ZC3HAV1: variants seen among roughly 807,000 people sequenced by gnomAD.
ZC3HAV1 encodes zinc finger CCCH-type containing, antiviral 1.
ZC3HAV1 carries 41 observed loss-of-function variants against 86.6 expected under a neutral mutation model. That is an observed-to-expected ratio of 0.47 (90% CI 0.37 to 0.61). The LOEUF (loss-of-function observed/expected upper bound fraction) is 0.61. Among genes scored for constraint, ZC3HAV1 ranks in the 20% least tolerant of loss-of-function variants. The pLI is 0.00. For synonymous variants in ZC3HAV1, 421 were observed against 432.1 expected (o/e 0.97, Z 0.32); for missense variants, 964 against 1,141.1 (o/e 0.84, Z 2.24).
chr7:139,065,663 TG>T (rs982811306), intron 7 of ZC3HAV1, among the ~76,000 whole-genome samples: 2 of 152,124 alleles, frequency 1.3e-5, no homozygotes, highest in Non-Finnish European at 2.9e-5. Context: ...CCTAGCACTT[TG>T]GGAGGCTGAG....
At chr7:139,056,194 A>G (rs1399119792) in intron 9 of ZC3HAV1, among the ~76,000 whole-genome samples, 2 of 152,172 alleles carry the variant, frequency 1.3e-5, no homozygotes, top group African/African-American at 4.8e-5. Flanking sequence ...TCTGTCACCC[A>G]GGCTGAAGTA....
chr7:139,080,695 C>A (rs957432054), intron 3 of ZC3HAV1, among the ~76,000 whole-genome samples: 1 of 152,162 alleles, frequency 6.6e-6, no homozygotes, highest in East Asian at 1.9e-4. Context: ...CCCCGGCTCT[C>A]TTCTGGGACT....
chr7:139,055,753 C>T (rs1398472534), intron 9 of ZC3HAV1, among the ~76,000 whole-genome samples: 2 of 152,054 alleles, frequency 1.3e-5, no homozygotes, highest in Admixed American at 1.3e-4. Context: ...TCCCATAGAG[C>T]TAAAGCTACC....
At chr7:139,101,460 G>A (rs9691711) in intron 1 of ZC3HAV1, among the ~76,000 whole-genome samples, 116 of 24,318 alleles carry the variant, frequency 4.8e-3, no homozygotes, top group Middle Eastern at 9.3e-3. Context: ...CTGCCGCCCC[G>A]TCTGGGATGT....
chr7:139,075,002 G>A (rs1816893916), intron 6 of ZC3HAV1, among the ~76,000 whole-genome samples: 1 of 152,170 alleles, frequency 6.6e-6, no homozygotes, highest in Non-Finnish European at 1.5e-5. Context: ...TCTCAATCAG[G>A]AACGATTTTG....
chr7:139,101,484 G>C (rs577364742), intron 1 of ZC3HAV1, among the ~76,000 whole-genome samples: 4 of 103,900 alleles, frequency 3.8e-5, no homozygotes, highest in South Asian at 3.7e-4. Context: ...GAGCGCCTCA[G>C]CCCGGCCACC....
intron 1 of ZC3HAV1, among the ~76,000 whole-genome samples, chr7:139,091,603 A>G (rs563245629): frequency 3.9e-5 from 6 of 152,282 alleles, no homozygotes; most frequent in Admixed American, 2.0e-4. Flanking sequence ...GACGGCCATT[A>G]GCCATTACCA....
chr7:139,075,169 A>T (rs1421682310), intron 6 of ZC3HAV1, among the ~76,000 whole-genome samples: 1 of 152,166 alleles, frequency 6.6e-6, no homozygotes, highest in East Asian at 1.9e-4. Flanking sequence ...GAGGTTGAGA[A>T]ACCCGGCTCT....
At chr7:139,059,080 A>G (rs1031007592) in intron 9 of ZC3HAV1, among the ~76,000 whole-genome samples, 2 of 152,252 alleles carry the variant, frequency 1.3e-5, no homozygotes, top group African/African-American at 4.8e-5. Context: ...ACATCCTGCC[A>G]GAACGATTGT....
intron 6 of ZC3HAV1, among the ~76,000 whole-genome samples, chr7:139,075,349 G>A (rs544335802): frequency 6.6e-6 from 1 of 152,212 alleles, no homozygotes; most frequent in Non-Finnish European, 1.5e-5. Flanking sequence ...ATAAAACTGG[G>A]ATGTTTCTTA....
chr7:139,070,899 T>A (rs1398103785), intron 7 of ZC3HAV1, among the ~76,000 whole-genome samples: 3 of 151,354 alleles, frequency 2.0e-5, no homozygotes, highest in African/African-American at 7.3e-5. Flanking sequence ...GGAGAATTGC[T>A]TGAACCTGGG....
chr7:139,098,652 A>T (rs1006637051), intron 1 of ZC3HAV1, among the ~76,000 whole-genome samples: 6 of 152,220 alleles, frequency 3.9e-5, no homozygotes, highest in African/African-American at 1.2e-4. Flanking sequence ...TAATAAATAA[A>T]TAAGTAAATA....
chr7:139,109,171 G>C lies in ZC3HAV1; in HGVS notation c.161C>G (p.Thr54Ser). ...TCGGGTGATCCCGGCCTCGCCGCCG[G>C]TCTCCAACACCACAAAGCGGTCGGG... ...AGPDRFVVLE[T>S]GGEAGITRSV... The change falls in exon 1 of 13, where the codon ACC (threonine) becomes AGC (serine). Residue 54 changes from threonine to serine, a missense_variant. Physicochemically the swap from Thr to Ser is moderately conservative, Grantham distance 58. Transcript: ENST00000242351. 6.2e-7 allele frequency: 1 copy of C among 1,601,598 alleles called. No homozygotes were observed. Among genetic ancestry groups the C allele is most frequent in the Non-Finnish European group, 8.5e-7 (1 of 1,174,362 alleles).
Position 139,089,751 on chromosome 7 carries a change from C to A in ZC3HAV1, c.317G>T (p.Cys106Phe). The A allele has an allele frequency of 6.2e-7, 1 of 1,606,680 alleles. No individual in the cohort carries two copies. The highest frequency in any genetic ancestry group is 8.5e-7 in the Non-Finnish European group (1 of 1,177,850). ...CNYSQSERNL[C>F]KYSHEVLSEE... is the part of the protein sequence containing the mutation. ...TGAGAGAACCTCATGAGAATATTTG[C>A]ATAAATTCCTGGAAGAAAACACGAC... Residue 106 changes from cysteine (C) to phenylalanine (F), a missense_variant, in exon 2 of 13, where the codon TGC (cysteine) becomes TTC (phenylalanine). Transcript: ENST00000242351.
chr7:139,090,455 T>C (rs1817398379), intron 1 of ZC3HAV1, among the ~76,000 whole-genome samples: 1 of 152,186 alleles, frequency 6.6e-6, no homozygotes, highest in Admixed American at 6.5e-5. Context: ...AACAGTATAT[T>C]GGGAATTTAA....
chr7:139,067,848 C>T (rs1187272001), intron 7 of ZC3HAV1, among the ~76,000 whole-genome samples: 3 of 151,822 alleles, frequency 2.0e-5, no homozygotes, highest in East Asian at 1.9e-4. Context: ...TTGAATTAGA[C>T]GAGTCATAAA....
intron 4 of ZC3HAV1, chr7:139,078,979 A>T: frequency 1.5e-6 from 2 of 1,368,190 alleles, no homozygotes; most frequent in Non-Finnish European, 9.7e-7. Flanking sequence ...AGACCACCCC[A>T]TAACCAAAAC....
Position 139,061,105 on chromosome 7 carries a change from T to C in ZC3HAV1, c.2027A>G (p.Gln676Arg). 6.2e-7 allele frequency: 1 copy of C among 1,613,688 alleles called. No individual in the cohort carries two copies. The highest frequency in any genetic ancestry group is 1.1e-5 in the South Asian group (1 of 91,052). The change falls in exon 9 of 13, where the codon CAA (glutamine) becomes CGA (arginine). Residue 676 changes from glutamine (Q) to arginine (R), a missense_variant. Gln to Arg is a conservative substitution (Grantham distance 43). Transcript: ENST00000242351. ...MIQTNIASKT[Q>R]KDVIRRPTFV... ...TGTTGGTCTTCTGATGACATCCTTT[T>C]GAGTTTTGGAAGCTATGTTTGTCTG... is the stretch of plus-strand genomic sequence containing the variant.
chr7:139,065,131 T>G, intron 7 of ZC3HAV1, 132 bp from the exon 8 acceptor site: 1 of 1,205,124 alleles, frequency 8.3e-7, no homozygotes, highest in Admixed American at 2.4e-5. Context: ...TGTAAAAGCT[T>G]CCAGCTCAGG....
Sources: gnomAD v4.1 joint callset for allele counts (sites outside exome capture counted in the v4.1 genomes callset) on GRCh38, gnomAD v4.1.1 for gene constraint, MANE v1.5 for transcripts, NCBI Gene and HGNC (gene_info 2026-07-23, HGNC 2026-07-21) for gene names.